The following ARID5B variants were observed in gnomAD, a reference collection of about 807,000 sequenced individuals.
The protein encoded by ARID5B is AT-rich interaction domain 5B.
In ARID5B, 13 loss-of-function variants were observed where a neutral mutation model predicts 97.2. That is an observed-to-expected ratio of 0.13 (90% CI 0.09 to 0.21). ARID5B has a LOEUF of 0.21. Among genes scored for constraint, ARID5B ranks in the 10% least tolerant of loss-of-function variants. The probability of loss-of-function intolerance (pLI) is 1.00; values close to 1 mark genes in which losing one functional copy is unlikely to be tolerated. For synonymous variants in ARID5B, 556 were observed against 570.3 expected, an observed-to-expected ratio of 0.97 and a Z score of 0.36; for missense variants, 1,210 against 1,465.3, an observed-to-expected ratio of 0.83 and a Z score of 2.84.
intron 4 of ARID5B, among the ~76,000 whole-genome samples, chr10:62,030,804 G>GT (rs893865332): frequency 9.2e-5 from 14 of 152,190 alleles, no homozygotes; most frequent in African/African-American, 3.1e-4. Context: ...ACGAAGAAGT[G>GT]TTTTTGGAGC....
chr10:61,914,790 C>T (rs1481872322), intron 2 of ARID5B, among the ~76,000 whole-genome samples: 7 of 152,014 alleles, frequency 4.6e-5, no homozygotes, highest in Non-Finnish European at 1.0e-4. Context: ...CTATTATGTC[C>T]GTAGTATTTT....
Position 62,000,336 on chromosome 10 carries a change from T to C in ARID5B, c.733+15T>C, listed in dbSNP as rs1251878995. The C allele has an allele frequency of 6.4e-7, 1 of 1,570,396 alleles. No individual in the cohort carries two copies. Among genetic ancestry groups the C allele is most frequent in the Admixed American group, 1.9e-5 (1 of 53,548 alleles). ...CGATGAGTTTGGTGAGTCTTTTTTT[T>C]TTTTTCCTACCTGATTCTTGTGCGT... On this transcript the variant is annotated intron_variant, in intron 4 of 9. Transcript: ENST00000279873. The surrounding 1 kb of genome is among the most constrained non-coding windows in gnomAD (Gnocchi z 4.4).
chr10:62,059,422 G>T (rs562904763), intron 7 of ARID5B, 127 bp downstream of exon 7: 40 of 721,056 alleles, frequency 5.5e-5, no homozygotes, highest in Admixed American at 1.1e-4. Flanking sequence ...CTACACTTTT[G>T]GGGGTTTATT....
intron 4 of ARID5B, among the ~76,000 whole-genome samples, chr10:62,014,268 A>G (rs1839255424): frequency 6.6e-6 from 1 of 152,202 alleles, no homozygotes; most frequent in African/African-American, 2.4e-5. Context: ...TTGAGACTCA[A>G]TACTGTAGGA....
At position 62,057,301 on chromosome 10, in the gene ARID5B, A is replaced by G. The variant is rs763950577; in HGVS notation, c.1031A>G (p.Tyr344Cys). Residue 344 changes from tyrosine (Y) to cysteine (C), a missense_variant, in exon 6 of 10, where the codon TAT becomes TGT. Transcript: ENST00000279873. The stretch of plus-strand genomic sequence containing the variant: ...AAAACGCCGATAGAACGAATACCCT[A>G]TTTAGGTTTTAAACAGAGTGAGTAT... ...ERKTPIERIP[Y>C]LGFKQINLWT... The G allele has an allele frequency of 1.9e-6, 3 of 1,613,524 alleles. No homozygotes were observed. The highest frequency in any genetic ancestry group is 2.5e-6 in the Non-Finnish European group (3 of 1,179,602).
intron 2 of ARID5B, among the ~76,000 whole-genome samples, chr10:61,921,202 G>C (rs1316017103): frequency 1.3e-5 from 2 of 152,200 alleles, no homozygotes; most frequent in African/African-American, 4.8e-5. Context: ...GATTACCCCA[G>C]ATTTGGTGTC....
intron 2 of ARID5B, among the ~76,000 whole-genome samples, chr10:61,917,769 A>G (rs893281238): frequency 6.6e-6 from 1 of 152,160 alleles, no homozygotes; most frequent in South Asian, 2.1e-4. Context: ...GGGTGGGGAG[A>G]GCCACGTGGA....
chr10:62,003,330 G>A (rs1488130115), intron 4 of ARID5B, among the ~76,000 whole-genome samples: 2 of 152,140 alleles, frequency 1.3e-5, no homozygotes, highest in Admixed American at 1.3e-4. Context: ...TAGGAATTTA[G>A]CAGTGGGCTG....
At chr10:61,991,766 A>G (rs986289913) in intron 3 of ARID5B, among the ~76,000 whole-genome samples, 7 of 152,192 alleles carry the variant, frequency 4.6e-5, no homozygotes, top group Admixed American at 2.0e-4. Context: ...ACGGTGGCTC[A>G]CGCCTGTAAT....
intron 4 of ARID5B, among the ~76,000 whole-genome samples, chr10:62,005,772 C>T (rs1037114675): frequency 2.0e-5 from 3 of 152,222 alleles, no homozygotes; most frequent in Non-Finnish European, 4.4e-5. Flanking sequence ...TGGACTCTGC[C>T]TCTTCCTTTC....
At chr10:61,974,382 T>G (rs922680737) in intron 3 of ARID5B, among the ~76,000 whole-genome samples, 1 of 152,136 alleles carries the variant, frequency 6.6e-6, no homozygotes. Flanking sequence ...ACATTTTAAG[T>G]GGGGGACAGA....
rs73274342 is a variant in ARID5B at position 61,973,241 on chromosome 10, G to A, written c.503-26850G>A. Among the ~76,000 whole-genome samples, 547 of 152,298 alleles carry A rather than the reference G, an allele frequency of 3.6e-3. 1 individual carries two copies. Among genetic ancestry groups the A allele is most frequent in the African/African-American group, 0.012 (514 of 41,568 alleles). ...GGGGGAGGGGAAAAAGGGTGGTGAC[G>A]TTCTTTTCCAGTCTCTGCTCTTACA... On this transcript the variant is annotated intron_variant, in intron 3 of 9. Transcript: ENST00000279873.
chr10:61,970,194 A>G (rs1472317421), intron 3 of ARID5B, among the ~76,000 whole-genome samples: 1 of 152,154 alleles, frequency 6.6e-6, no homozygotes, highest in Non-Finnish European at 1.5e-5. Flanking sequence ...AAGTGATGAA[A>G]AAGCTCTTAC....
At chr10:62,012,070 T>C (rs1176316916) in intron 4 of ARID5B, among the ~76,000 whole-genome samples, 1 of 152,220 alleles carries the variant, frequency 6.6e-6, no homozygotes, top group East Asian at 1.9e-4. Context: ...ATTATGAAGT[T>C]ATTTCTATTA....
At position 61,914,049 on chromosome 10, in the gene ARID5B, C is replaced by T. The variant is rs529394841; in HGVS notation, c.276+11636C>T. On this transcript the variant is annotated intron_variant, in intron 2 of 9. Coordinates refer to ENST00000279873, the MANE Select transcript of ARID5B (RefSeq NM_032199.3). ...TACAGGCGTGAGCTACCGCGCCCAG[C>T]CCTGGAATGACAGGATACTTAGCAG... Among the ~76,000 whole-genome samples the T allele has an allele frequency of 2.0e-5, 3 of 152,340 alleles. No homozygotes were observed. The South Asian group carries it at 6.2e-4, about 32-fold the overall frequency.
At chr10:61,979,466 A>G (rs1465728895) in intron 3 of ARID5B, among the ~76,000 whole-genome samples, 1 of 152,136 alleles carries the variant, frequency 6.6e-6, no homozygotes, top group Non-Finnish European at 1.5e-5. Flanking sequence ...GTTTACATCC[A>G]CACTCCATGC....
chr10:62,073,116 T>G (rs1488860433), intron 8 of ARID5B, among the ~76,000 whole-genome samples: 1 of 152,192 alleles, frequency 6.6e-6, no homozygotes, highest in African/African-American at 2.4e-5. Context: ...TGTAAAGCCT[T>G]CCAAACCAAA....
rs1840462331 is a variant in ARID5B, at chr10:62,095,866, A to T, written c.*2836A>T. On this transcript the variant is annotated 3_prime_UTR_variant, in exon 10 of 10. Coordinates refer to ENST00000279873, the MANE Select transcript of ARID5B (RefSeq NM_032199.3). ...GTAGTTCTGTAAAGGAAACTGTGGAATCGAATTGGCAGTGGAGTCATAAAT... is the reference window on the plus strand; with the variant it reads ...GTAGTTCTGTAAAGGAAACTGTGGATTCGAATTGGCAGTGGAGTCATAAAT... The T allele has an allele frequency of 8.7e-6, 2 of 230,760 alleles. No homozygotes were observed. The highest frequency in any genetic ancestry group is 1.2e-4 in the East Asian group (2 of 16,164). The allele number at this position is 230,760 out of a possible 1,614,324, so 14.3% of individuals were successfully genotyped here.
At chr10:62,068,348 A>G (rs1474125106) in intron 7 of ARID5B, among the ~76,000 whole-genome samples, 1 of 152,104 alleles carries the variant, frequency 6.6e-6, no homozygotes, top group Non-Finnish European at 1.5e-5. Flanking sequence ...GGGAAATTGA[A>G]TGATGCACAG....
Sources: gnomAD v4.1 joint callset for allele counts (sites outside exome capture counted in the v4.1 genomes callset) on GRCh38, gnomAD v4.1.1 for gene constraint, Gnocchi (gnomAD v3.1) non-coding constraint, MANE v1.5 for transcripts, NCBI Gene and HGNC (gene_info 2026-07-23, HGNC 2026-07-21) for gene names.